TOMM20L: variants seen among roughly 807,000 people sequenced by gnomAD.
The protein encoded by TOMM20L is TOMM20-like protein 1.
A neutral mutation model predicts 20.4 loss-of-function variants in TOMM20L; 19 were observed. That is an observed-to-expected ratio of 0.93 (90% confidence interval 0.65 to 1.36). The LOEUF is 1.36. TOMM20L is among the 40% of genes most tolerant of loss of function. TOMM20L has a pLI of 0.00. For synonymous variants in TOMM20L, 75 were observed against 79.6 expected, an observed-to-expected ratio of 0.94 and a Z score of 0.30; for missense variants, 218 against 203.7, an observed-to-expected ratio of 1.07 and a Z score of -0.43.
chr14:58,409,867 C>T (rs774624445), downstream of TOMM20L, among the ~76,000 whole-genome samples: 1 of 151,996 alleles, frequency 6.6e-6, no homozygotes, highest in Non-Finnish European at 1.5e-5. Context: ...CGTGAGCCAC[C>T]GCGCCCAGCC....
chr14:58,403,566 C>G (rs371454995), intron 3 of TOMM20L, among the ~76,000 whole-genome samples: 6 of 151,996 alleles, frequency 3.9e-5, no homozygotes, highest in Non-Finnish European at 7.4e-5. Flanking sequence ...CGGCAGGGCA[C>G]GGTGGCTAAC....
At chr14:58,400,997 C>G (rs544512149) in intron 2 of TOMM20L, among the ~76,000 whole-genome samples, 2 of 152,358 alleles carry the variant, frequency 1.3e-5, no homozygotes, top group East Asian at 3.9e-4. Context: ...TGAACCACAT[C>G]TCAAACACTA....
chr14:58,408,462 C>A, intron 4 of TOMM20L, 67 bp from the exon 5 acceptor site: 2 of 1,421,590 alleles, frequency 1.4e-6, no homozygotes, highest in Non-Finnish European at 2.0e-6. Flanking sequence ...CACCCTGACA[C>A]AAGGGAGGCA....
At chr14:58,411,862 T>C, downstream of TOMM20L, 2 of 1,583,580 alleles carry the variant, frequency 1.3e-6, no homozygotes, top group Non-Finnish European at 1.7e-6. Flanking sequence ...AGTAGCACCT[T>C]ACATTTTTTT....
chr14:58,401,961 C>T (rs910118327), intron 2 of TOMM20L, among the ~76,000 whole-genome samples: 16 of 152,174 alleles, frequency 1.1e-4, no homozygotes, highest in African/African-American at 3.4e-4. Context: ...GGTCTCACAA[C>T]TAAAAGACCA....
At chr14:58,412,419 C>G (rs749762551), downstream of TOMM20L, among the ~76,000 whole-genome samples, 1 of 152,208 alleles carries the variant, frequency 6.6e-6, no homozygotes, top group Non-Finnish European at 1.5e-5. Flanking sequence ...GGATTACAGG[C>G]GTTAGCCGCC....
At chr14:58,412,021 T>C, downstream of TOMM20L, 2 of 1,405,554 alleles carry the variant, frequency 1.4e-6, no homozygotes, top group South Asian at 1.2e-5. Flanking sequence ...CAAATGTTTT[T>C]AGTCTAACTG....
At chr14:58,398,783 G>T (rs1046304019) in intron 2 of TOMM20L, 2 of 151,352 alleles carry the variant, frequency 1.3e-5, no homozygotes, top group African/African-American at 4.9e-5. Context: ...ATAATAAATT[G>T]TTAATATTAT....
At chr14:58,407,919 TGGATTCATTTCA>T (rs1275236924) in intron 4 of TOMM20L, among the ~76,000 whole-genome samples, 2 of 152,226 alleles carry the variant, frequency 1.3e-5, no homozygotes, top group Admixed American at 1.3e-4. Flanking sequence ...TGCAAATGCT[TGGATTCATTTCA>T]GGATTCATTA....
chr14:58,403,811 C>G (rs2036019696), intron 3 of TOMM20L, among the ~76,000 whole-genome samples: 1 of 151,536 alleles, frequency 6.6e-6, no homozygotes, highest in Non-Finnish European at 1.5e-5. Flanking sequence ...GCACTCCAGC[C>G]TGGGCGACAG....
chr14:58,409,664 C>T (rs1446980578), downstream of TOMM20L, among the ~76,000 whole-genome samples: 7 of 151,450 alleles, frequency 4.6e-5, no homozygotes, highest in African/African-American at 1.5e-4. Flanking sequence ...CTGCAAGCTC[C>T]GCCTCCTGAG....
intron 3 of TOMM20L, among the ~76,000 whole-genome samples, chr14:58,404,094 T>C (rs2036023893): frequency 3.2e-4 from 1 of 3,100 alleles, no homozygotes; most frequent in Non-Finnish European, 6.8e-3. Flanking sequence ...TATATACATA[T>C]ATATGTATAT....
At chr14:58,396,558 A>G (rs2035926035) in intron 2 of TOMM20L, among the ~76,000 whole-genome samples, 1 of 152,240 alleles carries the variant, frequency 6.6e-6, no homozygotes, top group Non-Finnish European at 1.5e-5. Context: ...TGGAGTTATA[A>G]AAAGGCAGCT....
Position 58,408,529 on chromosome 14 carries a change from C to T in TOMM20L, c.406C>T (p.Gln136Ter), listed in dbSNP as rs762245145. ...AGTAACTATTTTATGTATTCACCAG[C>T]AATTTGAGGCAGACATGAATGAACA... is the stretch of plus-strand genomic sequence containing the variant. The part of the protein sequence containing the change: ...LLHKIPLICQ[Q>*]FEADMNEQDC... The change falls in exon 5 of 5, where the codon CAA becomes TAA. Residue 136 changes from glutamine (Q) to a stop codon, truncating the protein, a stop_gained and splice_region_variant. Transcript: ENST00000360945. LOFTEE classifies it high-confidence loss of function. The T allele has an allele frequency of 1.2e-6, 2 of 1,613,372 alleles. No individual in the cohort carries two copies. The highest frequency in any genetic ancestry group is 2.2e-5 in the South Asian group (2 of 90,914).
At chr14:58,397,764 G>C (rs2035946450) in intron 2 of TOMM20L, among the ~76,000 whole-genome samples, 1 of 152,152 alleles carries the variant, frequency 6.6e-6, no homozygotes, top group African/African-American at 2.4e-5. Context: ...AAGGAACTGA[G>C]ATTCAATGGA....
intron 2 of TOMM20L, among the ~76,000 whole-genome samples, chr14:58,400,793 A>T (rs1430193847): frequency 6.6e-6 from 1 of 151,950 alleles, no homozygotes; most frequent in Non-Finnish European, 1.5e-5. Context: ...CAGGAGAATC[A>T]CTTGAACCCG....
At chr14:58,408,123 G>C (rs573155783) in intron 4 of TOMM20L, among the ~76,000 whole-genome samples, 1 of 152,216 alleles carries the variant, frequency 6.6e-6, no homozygotes, top group South Asian at 2.1e-4. Flanking sequence ...CGAAAATGTA[G>C]GTAAGATATG....
intron 3 of TOMM20L, among the ~76,000 whole-genome samples, chr14:58,405,901 C>T (rs1595000210): frequency 6.6e-6 from 1 of 152,196 alleles, no homozygotes; most frequent in Admixed American, 6.5e-5. Context: ...CATCAAACCC[C>T]AAACCAATTA....
chr14:58,414,001 C>T, the TOMM20L span, among the ~76,000 whole-genome samples: 51 of 50,916 alleles, frequency 1.0e-3, no homozygotes, highest in Middle Eastern at 0.023. Context: ...AGTGAGATTC[C>T]GTCTCAGAAA....
Sources: gnomAD v4.1 joint callset for allele counts (sites outside exome capture counted in the v4.1 genomes callset) on GRCh38, gnomAD v4.1.1 for gene constraint, MANE v1.5 for transcripts, NCBI Gene and HGNC (gene_info 2026-07-23, HGNC 2026-07-21) for gene names.